The following NKAIN3 variants were observed in gnomAD, a reference collection of about 807,000 sequenced individuals.
The protein encoded by NKAIN3 is sodium/potassium-transporting ATPase subunit beta-1-interacting protein 3.
A neutral mutation model predicts 30.2 loss-of-function variants in NKAIN3; 25 were observed. That is an observed-to-expected ratio of 0.83 (90% CI 0.60 to 1.16). NKAIN3 has a LOEUF of 1.16. Ranked by LOEUF, NKAIN3 falls within the 50% of genes most tolerant of loss-of-function variation. The probability of loss-of-function intolerance (pLI) is 0.00; values close to 1 mark genes in which losing one functional copy is unlikely to be tolerated. For synonymous variants in NKAIN3, 91 were observed against 89.6 expected, an observed-to-expected ratio of 1.02 and a Z score of -0.09; for missense variants, 225 against 254.1, an observed-to-expected ratio of 0.89 and a Z score of 0.78.
chr8:62,411,601 G>T (rs1804238225), intron 1 of NKAIN3, among the ~76,000 whole-genome samples: 2 of 152,162 alleles, frequency 1.3e-5, no homozygotes, highest in South Asian at 4.1e-4. Flanking sequence ...AATAGGAAAA[G>T]AAGATGTCAA....
chr8:62,867,884 A>G (rs1396823143), intron 4 of NKAIN3, among the ~76,000 whole-genome samples: 1 of 152,248 alleles, frequency 6.6e-6, no homozygotes, highest in Non-Finnish European at 1.5e-5. Context: ...TATGTGTATG[A>G]GTATATTTAC....
intron 4 of NKAIN3, among the ~76,000 whole-genome samples, chr8:62,878,077 C>T (rs1436244058): frequency 3.4e-5 from 5 of 147,830 alleles, no homozygotes; most frequent in African/African-American, 1.2e-4. Flanking sequence ...AGATCAAATA[C>T]GGGACTTTGC....
chr8:62,536,807 T>C (rs7825567), intron 1 of NKAIN3, among the ~76,000 whole-genome samples: 68,489 of 151,926 alleles, frequency 0.45, 15,673 homozygotes, highest in East Asian at 0.57. Context: ...TAGTTCACTT[T>C]TCCCAAACTG....
intron 4 of NKAIN3, among the ~76,000 whole-genome samples, chr8:62,812,057 G>C (rs1818504062): frequency 1.3e-5 from 2 of 151,820 alleles, no homozygotes; most frequent in Admixed American, 1.3e-4. Flanking sequence ...TTTTGCCCAT[G>C]GATATCTAAT....
At chr8:62,603,799 G>T (rs1203153855) in intron 3 of NKAIN3, among the ~76,000 whole-genome samples, 1 of 152,044 alleles carries the variant, frequency 6.6e-6, no homozygotes, top group African/African-American at 2.4e-5. Context: ...ACTCAGGAAG[G>T]ATAAGTTTGA....
chr8:62,258,396 C>T (rs181428778), intron 1 of NKAIN3, among the ~76,000 whole-genome samples: 41 of 152,260 alleles, frequency 2.7e-4, no homozygotes, highest in Middle Eastern at 3.4e-3. Flanking sequence ...CCTGTAATCC[C>T]CAAACTTTGA....
chr8:62,897,505 C>T (rs1222871759), intron 4 of NKAIN3, among the ~76,000 whole-genome samples: 1 of 152,108 alleles, frequency 6.6e-6, no homozygotes, highest in Non-Finnish European at 1.5e-5. Flanking sequence ...GACATAGACA[C>T]TCTAAGAGTA....
At chr8:62,432,462 C>T (rs889922198) in intron 1 of NKAIN3, among the ~76,000 whole-genome samples, 1 of 152,092 alleles carries the variant, frequency 6.6e-6, no homozygotes, top group African/African-American at 2.4e-5. Flanking sequence ...GTTTGTGACT[C>T]AGAAAACCCT....
At chr8:62,602,907 G>A (rs1531657) in intron 3 of NKAIN3, among the ~76,000 whole-genome samples, 121,271 of 152,024 alleles carry the variant, frequency 0.8, 48,487 homozygotes, top group Middle Eastern at 0.85. Flanking sequence ...ACATTACATA[G>A]CATTAAGCCA....
intron 3 of NKAIN3, among the ~76,000 whole-genome samples, chr8:62,720,295 C>T (rs1815047601): frequency 6.6e-6 from 1 of 152,118 alleles, no homozygotes; most frequent in Non-Finnish European, 1.5e-5. Context: ...TATACATTTA[C>T]ATTAAATTAC....
intron 3 of NKAIN3, among the ~76,000 whole-genome samples, chr8:62,687,471 T>G (rs1398978855): frequency 6.6e-6 from 1 of 152,192 alleles, no homozygotes; most frequent in Non-Finnish European, 1.5e-5. Flanking sequence ...ATGCTATCTT[T>G]GACTGTGTCT....
intron 4 of NKAIN3, among the ~76,000 whole-genome samples, chr8:62,752,018 C>T (rs1221372171): frequency 6.6e-6 from 1 of 152,084 alleles, no homozygotes; most frequent in Non-Finnish European, 1.5e-5. Context: ...GTGGTTTCAG[C>T]AACTAATGCA....
intron 1 of NKAIN3, among the ~76,000 whole-genome samples, chr8:62,382,186 A>G (rs1038276196): frequency 9.2e-5 from 14 of 152,222 alleles, no homozygotes; most frequent in African/African-American, 3.1e-4. Context: ...ACAAATTTAC[A>G]TGTTGTATAG....
chr8:62,290,845 T>C (rs1032424898), intron 1 of NKAIN3, among the ~76,000 whole-genome samples: 26 of 152,202 alleles, frequency 1.7e-4, no homozygotes, highest in Non-Finnish European at 3.5e-4. Context: ...CTGGTAGAAT[T>C]CAGCTGTGAA....
chr8:62,367,697 C>T (rs544257954), intron 1 of NKAIN3, among the ~76,000 whole-genome samples: 1 of 152,230 alleles, frequency 6.6e-6, no homozygotes, highest in African/African-American at 2.4e-5. Flanking sequence ...GATACCCACT[C>T]TCAACACTAC....
chr8:62,606,928 C>A (rs1290674067), intron 3 of NKAIN3, among the ~76,000 whole-genome samples: 1 of 152,092 alleles, frequency 6.6e-6, no homozygotes, highest in African/African-American at 2.4e-5. Context: ...TTCCTACATA[C>A]AATTAATGCT....
intron 3 of NKAIN3, among the ~76,000 whole-genome samples, chr8:62,650,815 G>T (rs1012318551): frequency 1.3e-5 from 2 of 152,044 alleles, no homozygotes; most frequent in Admixed American, 6.6e-5. Context: ...ATAAAGGTCA[G>T]TCCTGGTGCC....
intron 1 of NKAIN3, among the ~76,000 whole-genome samples, chr8:62,412,006 T>G (rs1804253047): frequency 6.6e-6 from 1 of 152,086 alleles, no homozygotes; most frequent in Admixed American, 6.6e-5. Flanking sequence ...GATTCAATGC[T>G]ATTACTAAAA....
At chr8:62,620,596 T>G (rs1183449729) in intron 3 of NKAIN3, among the ~76,000 whole-genome samples, 1 of 152,174 alleles carries the variant, frequency 6.6e-6, no homozygotes, top group Non-Finnish European at 1.5e-5. Flanking sequence ...TAAGTATCAA[T>G]TCTTTGAAAC....
Sources: gnomAD v4.1 joint callset for allele counts (sites outside exome capture counted in the v4.1 genomes callset) on GRCh38, gnomAD v4.1.1 for gene constraint, MANE v1.5 for transcripts, NCBI Gene and HGNC (gene_info 2026-07-23, HGNC 2026-07-21) for gene names.